The following MARCHF11 variants were observed in gnomAD, a reference collection of about 807,000 sequenced individuals.
MARCHF11 encodes membrane associated ring-CH-type finger 11.
In MARCHF11, 29 loss-of-function variants were observed where a neutral mutation model predicts 37.3. The ratio of observed to expected loss-of-function variants is 0.78; its 90% CI spans 0.58 to 1.06. MARCHF11 has a LOEUF of 1.06. Ranked by LOEUF, MARCHF11 falls within the 50% of genes least tolerant of loss-of-function variation. The pLI is 0.00. For missense variants in MARCHF11, 482 were observed against 533.4 expected, an observed-to-expected ratio of 0.90 and a Z score of 0.95; for synonymous variants, 233 against 228.0, an observed-to-expected ratio of 1.02 and a Z score of -0.20.
intron 3 of MARCHF11, among the ~76,000 whole-genome samples, chr5:16,090,252 C>G (rs1488789603): frequency 6.6e-6 from 1 of 152,134 alleles, no homozygotes; most frequent in Non-Finnish European, 1.5e-5. Flanking sequence ...TCTCACAGTA[C>G]TAGGGAACAA....
intron 2 of MARCHF11, among the ~76,000 whole-genome samples, chr5:16,173,160 A>G (rs897439545): frequency 6.6e-6 from 1 of 152,208 alleles, no homozygotes; most frequent in African/African-American, 2.4e-5. Flanking sequence ...AACCCTTCCC[A>G]AGTAGGCAAG....
intron 2 of MARCHF11, among the ~76,000 whole-genome samples, chr5:16,098,535 A>G (rs1054408584): frequency 6.6e-6 from 1 of 152,160 alleles, no homozygotes; most frequent in Non-Finnish European, 1.5e-5. Flanking sequence ...GGGGAGGCAG[A>G]GGCAGGTGGA....
chr5:16,145,631 T>C (rs957298926), intron 2 of MARCHF11, among the ~76,000 whole-genome samples: 1 of 152,154 alleles, frequency 6.6e-6, no homozygotes, highest in Non-Finnish European at 1.5e-5. Flanking sequence ...GTATGCTATA[T>C]AATAGGACAC....
intron 2 of MARCHF11, among the ~76,000 whole-genome samples, chr5:16,115,973 A>G (rs900152857): frequency 5.9e-5 from 9 of 152,146 alleles, no homozygotes; most frequent in South Asian, 2.1e-4. Flanking sequence ...GAAAGTTTCA[A>G]TGAAAGTGAC....
At chr5:16,148,560 C>T (rs1466243928) in intron 2 of MARCHF11, among the ~76,000 whole-genome samples, 1 of 152,122 alleles carries the variant, frequency 6.6e-6, no homozygotes, top group Non-Finnish European at 1.5e-5. Flanking sequence ...ATTGCCTGTC[C>T]CCACCCGACC....
At chr5:16,169,475 A>G (rs1430333749) in intron 2 of MARCHF11, among the ~76,000 whole-genome samples, 1 of 152,136 alleles carries the variant, frequency 6.6e-6, no homozygotes, top group East Asian at 1.9e-4. Context: ...ATCTTTTTAG[A>G]TGGTAGTTTT....
chr5:16,156,126 C>T (rs1406249921), intron 2 of MARCHF11, among the ~76,000 whole-genome samples: 1 of 151,872 alleles, frequency 6.6e-6, no homozygotes, highest in African/African-American at 2.4e-5. Flanking sequence ...GAAATAAATT[C>T]TTTGTACTGA....
At chr5:16,137,631 T>A (rs2126589041) in intron 2 of MARCHF11, among the ~76,000 whole-genome samples, 1 of 152,338 alleles carries the variant, frequency 6.6e-6, no homozygotes. Flanking sequence ...TGGAATGGTT[T>A]GGAGGGCTCA....
At position 16,067,698 on chromosome 5, in the gene MARCHF11, T is replaced by C; in HGVS notation, c.982A>G (p.Thr328Ala). The C allele has an allele frequency of 6.2e-6, 10 of 1,613,980 alleles. No individual in the cohort carries two copies. The highest frequency in any genetic ancestry group is 8.5e-6 in the Non-Finnish European group (10 of 1,179,864). The part of the protein sequence containing the change: ...HWDVLNYDKA[T>A]DIEESSRGES... ...CCCCGGCTGCTTTCTTCGATGTCTG[T>C]GGCTTTGTCATAATTTAACACATCC... The change falls in exon 4 of 4, where the codon ACA becomes GCA. Residue 328 changes from threonine (T) to alanine (A), a missense_variant. Transcript: ENST00000332432.
In MARCHF11 at chr5:16,179,256, C is replaced by T; in HGVS notation, c.320G>A (p.Arg107Lys). 7.5e-7 allele frequency: 1 copy of T among 1,336,096 alleles called. No homozygotes were observed. Among genetic ancestry groups the T allele is most frequent in the South Asian group, 1.8e-5 (1 of 54,068 alleles). The allele number at this position is 1,336,096 out of a possible 1,614,324, so 82.8% of individuals were successfully genotyped here. A position where few individuals can be genotyped will look rare whatever the true frequency, so the allele number is the denominator to read the frequency against. ...CGCTGCTGCCGCCTCCGGGAGGCGC[C>T]TCGGACCTTCCCCGGAGTCGCCGGC... is the stretch of plus-strand genomic sequence containing the variant. ...AAAGDSGEGP[R>K]RLPEAAAAKG... The change falls in exon 1 of 4, where the codon AGG becomes AAG. Residue 107 changes from arginine to lysine, a missense_variant. Transcript: ENST00000332432.
At chr5:16,125,442 C>T (rs1166821929) in intron 2 of MARCHF11, among the ~76,000 whole-genome samples, 4 of 152,122 alleles carry the variant, frequency 2.6e-5, no homozygotes, top group Non-Finnish European at 5.9e-5. Flanking sequence ...AAATGGCCCC[C>T]TGCAATGTGG....
chr5:16,138,877 A>G (rs1737656150), intron 2 of MARCHF11, among the ~76,000 whole-genome samples: 1 of 152,146 alleles, frequency 6.6e-6, no homozygotes, highest in African/African-American at 2.4e-5. Flanking sequence ...AGTTTCTCCC[A>G]TTTGGAACAG....
At chr5:16,075,388 C>T (rs1048989287) in intron 3 of MARCHF11, among the ~76,000 whole-genome samples, 4 of 152,120 alleles carry the variant, frequency 2.6e-5, no homozygotes, top group African/African-American at 7.2e-5. Flanking sequence ...ATCTTTCCCT[C>T]CTTCTACTGC....
intron 3 of MARCHF11, among the ~76,000 whole-genome samples, chr5:16,084,604 C>G (rs995818096): frequency 6.6e-6 from 1 of 151,258 alleles, no homozygotes; most frequent in Non-Finnish European, 1.5e-5. Flanking sequence ...GACCACGCCA[C>G]TGCAATCCAG....
Position 16,168,714 on chromosome 5 carries a change from C to A in MARCHF11, c.693+9012G>T, listed in dbSNP as rs183748271. On this transcript the variant is annotated intron_variant, in intron 2 of 3. Transcript: ENST00000332432. ...ACTGGAAACCTCCCACCTACTCATT[C>A]CCACACAAAAGATGAGAGTCAGATG... Among the ~76,000 whole-genome samples, 452 of 152,066 alleles carry A rather than the reference C, an allele frequency of 3.0e-3. 6 individuals carry two copies. Among genetic ancestry groups the A allele is most frequent in the African/African-American group, 9.9e-3 (410 of 41,498 alleles).
intron 2 of MARCHF11, among the ~76,000 whole-genome samples, chr5:16,135,794 G>A (rs532049033): frequency 2.0e-5 from 3 of 150,200 alleles, no homozygotes; most frequent in African/African-American, 7.3e-5. Flanking sequence ...TGTTTGGAAC[G>A]CTCTCCTCAA....
At chr5:16,079,049 C>T (rs892470988) in intron 3 of MARCHF11, among the ~76,000 whole-genome samples, 2 of 152,168 alleles carry the variant, frequency 1.3e-5, no homozygotes, top group African/African-American at 4.8e-5. Flanking sequence ...AGCTACCCTC[C>T]ATGGTGATGG....
intron 2 of MARCHF11, 50 bp from the exon 3 acceptor site, chr5:16,091,131 A>T: frequency 1.6e-6 from 2 of 1,237,134 alleles, no homozygotes; most frequent in Non-Finnish European, 2.1e-6. Flanking sequence ...ATAATTAAAA[A>T]AGAAAAAAAA....
At chr5:16,174,177 C>G (rs971714522) in intron 2 of MARCHF11, among the ~76,000 whole-genome samples, 1 of 152,148 alleles carries the variant, frequency 6.6e-6, no homozygotes, top group Non-Finnish European at 1.5e-5. Flanking sequence ...TATATGTCCA[C>G]GCATTTCACT....
Sources: allele counts gnomAD v4.1 joint callset (sites outside exome capture counted in the v4.1 genomes callset), GRCh38; gene constraint gnomAD v4.1.1; transcripts MANE v1.5; gene names NCBI Gene and HGNC (gene_info 2026-07-23, HGNC 2026-07-21).